RAB43: variants seen among roughly 807,000 people sequenced by gnomAD.
The protein encoded by RAB43 is RAB43, member RAS oncogene family.
In RAB43, 6 loss-of-function variants were observed where a neutral mutation model predicts 18.8. That is an observed-to-expected ratio of 0.32 (90% CI 0.17 to 0.63). The LOEUF is 0.63. Ranked by LOEUF, RAB43 falls within the 30% of genes least tolerant of loss-of-function variation. RAB43 has a pLI of 0.79. For synonymous variants in RAB43, 103 were observed against 124.1 expected (o/e 0.83, Z 1.13); for missense variants, 195 against 289.1 (o/e 0.67, Z 2.36).
At chr3:129,111,331 A>G (rs1185304354) in intron 1 of RAB43, among the ~76,000 whole-genome samples, 3 of 152,014 alleles carry the variant, frequency 2.0e-5, no homozygotes, top group Non-Finnish European at 4.4e-5. Context: ...CCTGGCCAAC[A>G]TGGTGAAACC....
rs970953133 is a variant in RAB43, at chr3:129,121,074, C to A, written c.204+212G>T. On this transcript the variant is annotated intron_variant, in intron 1 of 2. Coordinates refer to ENST00000315150, the MANE Select transcript of RAB43 (RefSeq NM_198490.3). The stretch of plus-strand genomic sequence containing the variant: ...GCCTCCTCCACACTCCCTCGCCCCC[C>A]CCCCCCCCAGCAACCCACGGCCGGC... Among the ~76,000 whole-genome samples, 12 of 147,652 alleles carry A rather than the reference C, an allele frequency of 8.1e-5. 1 individual carries two copies. The South Asian group carries it at 8.9e-4, about 11-fold the overall frequency.
At chr3:129,113,786 T>G (rs776930509) in intron 1 of RAB43, among the ~76,000 whole-genome samples, 3 of 152,258 alleles carry the variant, frequency 2.0e-5, no homozygotes, top group African/African-American at 7.2e-5. Flanking sequence ...CCCAGCACTT[T>G]GGGAGGCTGA....
chr3:129,111,758 T>C (rs1205738839), intron 1 of RAB43, among the ~76,000 whole-genome samples: 1 of 152,202 alleles, frequency 6.6e-6, no homozygotes, highest in Non-Finnish European at 1.5e-5. Context: ...TCATAGAATT[T>C]TCATGTATTT....
chr3:129,109,344 A>C (rs1934992949), intron 1 of RAB43, among the ~76,000 whole-genome samples: 1 of 148,758 alleles, frequency 6.7e-6, no homozygotes, highest in Non-Finnish European at 1.5e-5. Flanking sequence ...TGGCAGGCGG[A>C]GCTTGCAGTG....
chr3:129,112,293 C>A (rs890000382), intron 1 of RAB43, among the ~76,000 whole-genome samples: 5 of 150,758 alleles, frequency 3.3e-5, no homozygotes, highest in Admixed American at 1.3e-4. Context: ...GAATAAAAAA[C>A]CCCCAAAATC....
Position 129,095,032 on chromosome 3 carries a change from C to T in RAB43, c.342G>A (p.Glu114=), listed in dbSNP as rs1933944231. 1.2e-6 allele frequency: 2 copies of T among 1,613,124 alleles called. No individual in the cohort carries two copies. The highest frequency in any genetic ancestry group is 1.7e-6 in the Non-Finnish European group (2 of 1,179,494). ...TGGAGCCCGCATACTTCCTCACATC[C>T]TCAATCCAGTGAGGCACCGACAGGA... ...SSFLSVPHWI[E]DVRKYAGSNI... The change falls in exon 2 of 3, where the codon GAG becomes GAA. Residue 114 remains glutamate (E), a synonymous_variant. Transcript: ENST00000315150. The surrounding 1 kb of genome is among the most constrained non-coding windows in gnomAD (Gnocchi z 4.2).
At chr3:129,110,895 A>ATT (rs200345300) in intron 1 of RAB43, among the ~76,000 whole-genome samples, 1 of 145,818 alleles carries the variant, frequency 6.9e-6, no homozygotes, top group African/African-American at 2.5e-5. Context: ...CTCCATAAAG[A>ATT]TTTTTTTTTT....
At chr3:129,118,020 A>G (rs1317591910) in intron 1 of RAB43, among the ~76,000 whole-genome samples, 1 of 152,194 alleles carries the variant, frequency 6.6e-6, no homozygotes, top group Non-Finnish European at 1.5e-5. Context: ...AGAGTTACAG[A>G]ATAGAGGACC....
rs1933619308 is a variant in RAB43 at position 129,091,160 on chromosome 3, T to C, written c.575A>G (p.Lys192Arg). 1 of 1,575,396 alleles carries C rather than the reference T, an allele frequency of 6.3e-7. No individual in the cohort carries two copies. Among genetic ancestry groups the C allele is most frequent in the Non-Finnish European group, 8.6e-7 (1 of 1,156,668 alleles). Reference sequence around the variant, plus strand: ...GTTCAGCTGGATGTGGTCGGGGCTCTTCTCGCTGAACAAGGGGCCCCCGTG... The same window carrying C: ...GTTCAGCTGGATGTGGTCGGGGCTCCTCTCGCTGAACAAGGGGCCCCCGTG... ...MRHGGPLFSE[K>R]SPDHIQLNSK... Residue 192 changes from lysine to arginine, a missense_variant, in exon 3 of 3, where the codon AAG (lysine) becomes AGG (arginine). Coordinates refer to ENST00000315150, the MANE Select transcript of RAB43 (RefSeq NM_198490.3).
At chr3:129,113,006 C>A (rs1318231146) in intron 1 of RAB43, among the ~76,000 whole-genome samples, 1 of 152,006 alleles carries the variant, frequency 6.6e-6, no homozygotes, top group Non-Finnish European at 1.5e-5. Flanking sequence ...CCCTGGAATA[C>A]CCACCAAAGC....
intron 1 of RAB43, among the ~76,000 whole-genome samples, chr3:129,102,307 G>A (rs1243096549): frequency 1.3e-5 from 2 of 152,150 alleles, no homozygotes; most frequent in African/African-American, 2.4e-5. Context: ...GGGAAGCCTG[G>A]GCTAAGACAA....
At chr3:129,092,856 T>G (rs978263991) in intron 2 of RAB43, among the ~76,000 whole-genome samples, 3 of 150,910 alleles carry the variant, frequency 2.0e-5, no homozygotes, top group African/African-American at 7.3e-5. Context: ...CTCGGGAGGC[T>G]GAGGCAGGAG....
intron 1 of RAB43, among the ~76,000 whole-genome samples, chr3:129,100,816 C>CA (rs554665779): frequency 1.3e-5 from 2 of 151,404 alleles, no homozygotes; most frequent in African/African-American, 4.9e-5. Context: ...TTCTGTTTTT[C>CA]TTTTTTTTTG....
intron 2 of RAB43, among the ~76,000 whole-genome samples, chr3:129,093,246 C>T (rs1933801559): frequency 2.6e-5 from 4 of 152,036 alleles, no homozygotes; most frequent in Admixed American, 1.3e-4. Context: ...CCACCTCAGC[C>T]TCTCAGTGTT....
At chr3:129,091,434 C>A in intron 2 of RAB43, 88 bp from the exon 3 acceptor site, 1 of 1,453,436 alleles carries the variant, frequency 6.9e-7, no homozygotes, top group Admixed American at 2.4e-5. Context: ...AGCCCCATGC[C>A]ACTCCCTTCC....
At chr3:129,104,764 T>G (rs562001565) in intron 1 of RAB43, among the ~76,000 whole-genome samples, 1 of 152,370 alleles carries the variant, frequency 6.6e-6, no homozygotes, top group East Asian at 1.9e-4. Context: ...CAGCTTATAC[T>G]ACGCTCTGAG....
Position 129,121,462 on chromosome 3 carries a change from C to T in RAB43, c.28G>A (p.Asp10Asn). 10 of 1,612,326 alleles carry T rather than the reference C, an allele frequency of 6.2e-6. No homozygotes were observed. Among genetic ancestry groups the T allele is most frequent in the South Asian group, 1.1e-5 (1 of 90,844 alleles). MAGPGPGPG[D>N]PDEQYDFLFK... ...AGGAAATCGTACTGCTCGTCCGGGT[C>T]CCCCGGGCCTGGGCCCGGCCCTGCC... Residue 10 changes from aspartate to asparagine, a missense_variant, in exon 1 of 3, where the codon GAC becomes AAC. Transcript: ENST00000315150.
chr3:129,118,715 C>T (rs1381084233), intron 1 of RAB43, among the ~76,000 whole-genome samples: 2 of 152,158 alleles, frequency 1.3e-5, no homozygotes, highest in African/African-American at 4.8e-5. Flanking sequence ...TAAATAGATA[C>T]CACGTCTCAC....
chr3:129,101,932 C>G (rs1359364741), intron 1 of RAB43, among the ~76,000 whole-genome samples: 3 of 152,224 alleles, frequency 2.0e-5, no homozygotes, highest in Non-Finnish European at 4.4e-5. Context: ...TGCACACACA[C>G]AAAGGCCTGC....
Sources: gnomAD v4.1 joint callset for allele counts (sites outside exome capture counted in the v4.1 genomes callset) on GRCh38, gnomAD v4.1.1 for gene constraint, Gnocchi (gnomAD v3.1) non-coding constraint, MANE v1.5 for transcripts, NCBI Gene and HGNC (gene_info 2026-07-23, HGNC 2026-07-21) for gene names.